PDCL: variants seen among roughly 807,000 people sequenced by gnomAD.
The protein encoded by PDCL is phosducin like, also known as phosducin-like protein.
In PDCL, 11 loss-of-function variants were observed where a neutral mutation model predicts 26.7. The observed-to-expected ratio is 0.41, with a 90% confidence interval of 0.26 to 0.68. The LOEUF is 0.68. Among genes scored for constraint, PDCL ranks in the 30% least tolerant of loss-of-function variants. The pLI, the probability that PDCL is intolerant of heterozygous loss-of-function variation, is 0.30. For synonymous variants in PDCL, 118 were observed against 134.9 expected (o/e 0.87, Z 0.87); for missense variants, 330 against 371.6 (o/e 0.89, Z 0.92).
intron 3 of PDCL, among the ~76,000 whole-genome samples, chr9:122,821,710 G>A (rs1314055522): frequency 2.0e-5 from 3 of 152,122 alleles, no homozygotes; most frequent in Non-Finnish European, 4.4e-5. Flanking sequence ...ACTGATCCAT[G>A]TGATGATATG....
At chr9:122,820,902 C>T in intron 3 of PDCL, 1 of 368,444 alleles carries the variant, frequency 2.7e-6, no homozygotes, top group Non-Finnish European at 5.0e-6. Context: ...GGCTGAGGCA[C>T]AACAAGAATC....
intron 2 of PDCL, among the ~76,000 whole-genome samples, chr9:122,823,765 T>A (rs894042930): frequency 6.9e-6 from 1 of 145,102 alleles, no homozygotes; most frequent in African/African-American, 2.7e-5. Flanking sequence ...TTCTATATTA[T>A]CTGAATTTTT....
At position 122,820,475 on chromosome 9, in the gene PDCL, G is replaced by A; in HGVS notation, c.516C>T (p.Asp172=). Residue 172 remains aspartate, a synonymous_variant, in exon 4 of 4, where the codon GAC becomes GAT. Coordinates refer to ENST00000259467, the MANE Select transcript of PDCL (RefSeq NM_005388.5). The part of the protein sequence containing the change: ...FEISSGEGFL[D]MIDKEQKSIV... ...TGCTTTTCTGTTCTTTATCAATCAT[G>A]TCTAAAAACCCTTCTCCACTGGAGA... 2 of 1,614,112 alleles carry A rather than the reference G, an allele frequency of 1.2e-6. No homozygotes were observed. Among genetic ancestry groups the A allele is most frequent in the Non-Finnish European group, 1.7e-6 (2 of 1,180,014 alleles).
rs1489654897 is a variant in PDCL, at chr9:122,818,449, C to T, written c.*1636G>A. ...AGCACAGAACTAAATTCAGTAAGTACTCAATGTTTATAAAAATATTGAAAA... is the reference window on the plus strand; with the variant it reads ...AGCACAGAACTAAATTCAGTAAGTATTCAATGTTTATAAAAATATTGAAAA... On this transcript the variant is annotated 3_prime_UTR_variant, in exon 4 of 4. Coordinates refer to ENST00000259467, the MANE Select transcript of PDCL (RefSeq NM_005388.5). The T allele has an allele frequency of 6.6e-6, 1 of 151,850 alleles. No individual in the cohort carries two copies. The highest frequency in any genetic ancestry group is 2.1e-4 in the South Asian group (1 of 4,824). The allele number at this position is 151,850 out of a possible 1,614,324, so 9.4% of individuals were successfully genotyped here. A position where few individuals can be genotyped will look rare whatever the true frequency, so the allele number is the denominator to read the frequency against.
At chr9:122,828,260 G>C (rs975420355) in intron 1 of PDCL, among the ~76,000 whole-genome samples, 2 of 152,246 alleles carry the variant, frequency 1.3e-5, no homozygotes, top group East Asian at 1.9e-4. Context: ...GCCCCCGGAC[G>C]GGAAGCAGAG....
rs1022710541 is a variant in PDCL at position 122,827,674 on chromosome 9, G to C, written c.-6+797C>G. The stretch of plus-strand genomic sequence containing the variant: ...TTGAATCCGGGAGGCGGAGGTTGCA[G>C]TGAGCCAAGATCACGCCACTGCACT... On this transcript the variant is annotated intron_variant, in intron 1 of 3. Transcript: ENST00000259467. Among the ~76,000 whole-genome samples, 4 of 152,164 alleles carry C rather than the reference G, an allele frequency of 2.6e-5. No homozygotes were observed. The South Asian group carries it at 8.3e-4, about 32-fold the overall frequency.
intron 2 of PDCL, among the ~76,000 whole-genome samples, chr9:122,825,491 G>C (rs1829612906): frequency 6.6e-6 from 1 of 152,100 alleles, no homozygotes; most frequent in Non-Finnish European, 1.5e-5. Context: ...GCAAAGTGAG[G>C]CCCTTTATAA....
At position 122,828,575 on chromosome 9, in the gene PDCL, T is replaced by C. The variant is rs539903055; in HGVS notation, c.-110A>G. The C allele has an allele frequency of 6.6e-6, 1 of 152,232 alleles. No individual in the cohort carries two copies. Among genetic ancestry groups the C allele is most frequent in the East Asian group, 1.9e-4 (1 of 5,148 alleles). 9.4% of individuals were successfully genotyped at this position (152,232 alleles called of 1,614,324 possible). ...AGCAGTGGGTCAGCGCCCTGAGCGC[T>C]AAAGAGAAAAGCCGCCGAAGCCCGA... On this transcript the variant is annotated 5_prime_UTR_variant, in exon 1 of 4. Coordinates refer to ENST00000259467, the MANE Select transcript of PDCL (RefSeq NM_005388.5).
At position 122,818,620 on chromosome 9, in the gene PDCL, T is replaced by C. The variant is rs1829515100; in HGVS notation, c.*1465A>G. ...TTTGTTGACTAAATACTTTCAAGAC[T>C]CTTTTACAGTTAGTCAATTCCTGAA... On this transcript the variant is annotated 3_prime_UTR_variant, in exon 4 of 4. Transcript: ENST00000259467. 6.6e-6 allele frequency: 1 copy of C among 151,402 alleles called. No homozygotes were observed. Among genetic ancestry groups the C allele is most frequent in the Non-Finnish European group, 1.5e-5 (1 of 67,884 alleles). 9.4% of individuals were successfully genotyped at this position (151,402 alleles called of 1,614,324 possible).
At chr9:122,827,441 G>A (rs1157131965) in intron 1 of PDCL, among the ~76,000 whole-genome samples, 3 of 152,152 alleles carry the variant, frequency 2.0e-5, no homozygotes, top group Non-Finnish European at 4.4e-5. Flanking sequence ...GACTATGATG[G>A]CCGGGCTCGC....
chr9:122,826,757 C>T lies in PDCL; in HGVS notation c.31G>A (p.Glu11Lys). The T allele has an allele frequency of 6.2e-7, 1 of 1,614,022 alleles. No individual in the cohort carries two copies. The highest frequency in any genetic ancestry group is 8.5e-7 in the Non-Finnish European group (1 of 1,179,988). ...CTGCTATAGTAGTACTGCAGTTTCT[C>T]CCCCAGCAACTTATCATCAAGGGTG... MTTLDDKLLGEKLQYYYSSSE... is the reference protein window; with the variant it reads MTTLDDKLLGKKLQYYYSSSE... The change falls in exon 2 of 4, where the codon GAG becomes AAG. Residue 11 changes from glutamate to lysine, a missense_variant. By Grantham distance (56) the Glu-to-Lys change is moderately conservative. Coordinates refer to ENST00000259467, the MANE Select transcript of PDCL (RefSeq NM_005388.5).
intron 1 of PDCL, among the ~76,000 whole-genome samples, chr9:122,827,081 G>T (rs1267784189): frequency 1.3e-5 from 2 of 152,182 alleles, no homozygotes; most frequent in African/African-American, 2.4e-5. Context: ...GACTCCAAGA[G>T]CCTGAGGTAT....
chr9:122,828,372 C>G (rs1564270515), intron 1 of PDCL, 99 bp downstream of exon 1: 1 of 152,478 alleles, frequency 6.6e-6, no homozygotes, highest in African/African-American at 2.4e-5. Flanking sequence ...GGGGTCGAGA[C>G]AGAGCGAAGA....
rs1829525438 is a variant in PDCL at position 122,819,376 on chromosome 9, A to G, written c.*709T>C. 1.3e-5 allele frequency: 2 copies of G among 152,248 alleles called. No homozygotes were observed. The allele number at this position is 152,248 out of a possible 1,614,324, so 9.4% of individuals were successfully genotyped here. A position where few individuals can be genotyped will look rare whatever the true frequency, so the allele number is the denominator to read the frequency against. On this transcript the variant is annotated 3_prime_UTR_variant, in exon 4 of 4. Transcript: ENST00000259467. ...GTTAAACAAAAAAGAGACAAAGACA[A>G]GCAGGGGCATCTTACTGAAAGAACT...
intron 1 of PDCL, among the ~76,000 whole-genome samples, chr9:122,828,251 C>T (rs1019100538): frequency 6.6e-6 from 1 of 151,996 alleles, no homozygotes; most frequent in Non-Finnish European, 1.5e-5. Flanking sequence ...GGAGGCGGGG[C>T]CCCCGGACGG....
chr9:122,826,824 T>C lies in PDCL; in HGVS notation c.-5-32A>G, dbSNP rs749997407. ...AAAGAAAGCATATCAGGTTCTTTGC[T>C]GATTTGAGCCAGACAGACATGAATC... On this transcript the variant is annotated intron_variant, in intron 1 of 3. Transcript: ENST00000259467. The C allele has an allele frequency of 5.6e-6, 9 of 1,607,424 alleles. No individual in the cohort carries two copies. In the South Asian group the frequency reaches 8.8e-5, roughly 16 times the overall value.
intron 1 of PDCL, among the ~76,000 whole-genome samples, chr9:122,827,766 G>A (rs1273675769): frequency 6.6e-6 from 1 of 152,064 alleles, no homozygotes; most frequent in East Asian, 1.9e-4. Flanking sequence ...TAAAGGACCA[G>A]GCTTCTGCAT....
rs1174710941 is a variant in PDCL at position 122,819,013 on chromosome 9, T to C, written c.*1072A>G. On this transcript the variant is annotated 3_prime_UTR_variant, in exon 4 of 4. Transcript: ENST00000259467. ...ATTAATAGACATTTTTAAAAAGTTG[T>C]AGAATATTTAATAATATAAAAAAAG... 6.6e-6 allele frequency: 1 copy of C among 152,030 alleles called. No individual in the cohort carries two copies. The highest frequency in any genetic ancestry group is 2.4e-5 in the African/African-American group (1 of 41,422). The allele number at this position is 152,030 out of a possible 1,614,324, so 9.4% of individuals were successfully genotyped here. A position where few individuals can be genotyped will look rare whatever the true frequency, so the allele number is the denominator to read the frequency against.
At chr9:122,820,831 A>AG (rs1444020832) in intron 3 of PDCL, 195 bp from the exon 4 acceptor site, 1 of 554,114 alleles carries the variant, frequency 1.8e-6, no homozygotes, top group African/African-American at 1.9e-5. Context: ...TTAAAAAAAA[A>AG]AAAAAAAAAA....
Sources: gnomAD v4.1 joint callset for allele counts (sites outside exome capture counted in the v4.1 genomes callset) on GRCh38, gnomAD v4.1.1 for gene constraint, MANE v1.5 for transcripts, NCBI Gene and HGNC (gene_info 2026-07-23, HGNC 2026-07-21) for gene names.